Variants in PCDHGA5 observed in about 807,000 individuals in gnomAD.
The protein encoded by PCDHGA5 is protocadherin gamma subfamily A, 5.
Under a neutral mutation model 56.7 loss-of-function variants are expected in PCDHGA5, and 36 were observed. The ratio of observed to expected loss-of-function variants is 0.64; its 90% confidence interval spans 0.49 to 0.84. PCDHGA5 has a LOEUF of 0.84. PCDHGA5 is among the 40% of genes least tolerant of loss of function. The pLI, the probability that PCDHGA5 is intolerant of heterozygous loss-of-function variation, is 0.00. For missense variants in PCDHGA5, 1,305 were observed against 1,201.5 expected, an observed-to-expected ratio of 1.09 and a Z score of -1.27; for synonymous variants, 563 against 520.2, an observed-to-expected ratio of 1.08 and a Z score of -1.12.
At position 141,505,378 on chromosome 5, in the gene PCDHGA5, C is replaced by T. The variant is rs376550639; in HGVS notation, c.2481-15C>T. 2 of 1,614,034 alleles carry T rather than the reference C, an allele frequency of 1.2e-6. No homozygotes were observed. The highest frequency in any genetic ancestry group is 2.2e-5 in the East Asian group (1 of 44,872). On this transcript the variant is annotated splice_polypyrimidine_tract_variant and intron_variant, in intron 2 of 3. Transcript: ENST00000518069. ...GGCCTGGGAGTCTGTGCTCACCATC[C>T]TACTCTCTCCCCAGCTCCCAAAATG...
intron 1 of PCDHGA5, among the ~76,000 whole-genome samples, chr5:141,468,788 C>T (rs2099179417): frequency 6.6e-6 from 1 of 151,926 alleles, no homozygotes; most frequent in Admixed American, 6.6e-5. Context: ...ATGGCGTGAA[C>T]CCGGGAGGCG....
At chr5:141,392,689 C>T in intron 1 of PCDHGA5, 1 of 1,115,570 alleles carries the variant, frequency 9.0e-7, no homozygotes, top group Non-Finnish European at 1.2e-6. Context: ...CAGCGAAACC[C>T]GACCCCTGTT....
At chr5:141,502,932 C>T (rs1039438031) in intron 2 of PCDHGA5, among the ~76,000 whole-genome samples, 2 of 143,766 alleles carry the variant, frequency 1.4e-5, no homozygotes, top group African/African-American at 5.3e-5. Context: ...CAACCTTCAC[C>T]TCCTGGGTTC....
intron 1 of PCDHGA5, among the ~76,000 whole-genome samples, chr5:141,457,440 A>C (rs188608086): frequency 1.3e-5 from 2 of 152,334 alleles, no homozygotes; most frequent in African/African-American, 4.8e-5. Flanking sequence ...ACCAAGCTGC[A>C]GAAGATCACC....
Position 141,409,737 on chromosome 5 carries a change from G to C in PCDHGA5, c.2421+42986G>C, listed in dbSNP as rs199531162. The C allele has an allele frequency of 1.4e-3, 2,254 of 1,613,108 alleles. 2 individuals carry two copies. Among genetic ancestry groups the C allele is most frequent in the Non-Finnish European group, 1.8e-3 (2,079 of 1,179,866 alleles). On this transcript the variant is annotated intron_variant, in intron 1 of 3. Coordinates refer to ENST00000518069, the MANE Select transcript of PCDHGA5 (RefSeq NM_018918.3). ...TACGTGTCAGTGAGCGCGCAGAGCGGGGTGGTGTTCGCGCAGCGCGCCTTT... is the reference window on the plus strand; with the variant it reads ...TACGTGTCAGTGAGCGCGCAGAGCGCGGTGGTGTTCGCGCAGCGCGCCTTT...
At chr5:141,373,374 A>C (rs548052832) in intron 1 of PCDHGA5, among the ~76,000 whole-genome samples, 1 of 152,352 alleles carries the variant, frequency 6.6e-6, no homozygotes, top group African/African-American at 2.4e-5. Flanking sequence ...GAATTGGTTC[A>C]AAATGTGTTT....
At chr5:141,370,390 G>C in intron 1 of PCDHGA5, 1 of 1,543,894 alleles carries the variant, frequency 6.5e-7, no homozygotes. Flanking sequence ...GGCGCAGAGA[G>C]CGGGATGGGA....
At position 141,403,513 on chromosome 5, in the gene PCDHGA5, T is replaced by G. The variant is rs754840157; in HGVS notation, c.2421+36762T>G. ...CCCTGAACGTGCAGACTGGAGACAATGGAGCCATAAACCCAGAGCTGGTGC... is the reference window on the plus strand; with the variant it reads ...CCCTGAACGTGCAGACTGGAGACAAGGGAGCCATAAACCCAGAGCTGGTGC... On this transcript the variant is annotated intron_variant, in intron 1 of 3. Coordinates refer to ENST00000518069, the MANE Select transcript of PCDHGA5 (RefSeq NM_018918.3). 8.1e-5 allele frequency: 131 copies of G among 1,613,832 alleles called. 1 individual carries two copies. In the African/African-American group the frequency reaches 1.2e-3, roughly 15 times the overall value.
chr5:141,437,693 C>G (rs1305650032), intron 1 of PCDHGA5, among the ~76,000 whole-genome samples: 1 of 151,638 alleles, frequency 6.6e-6, no homozygotes, highest in African/African-American at 2.4e-5. Context: ...GAGGCTAAAT[C>G]TCAAGAAAGA....
intron 1 of PCDHGA5, chr5:141,408,715 G>T: frequency 1.9e-6 from 3 of 1,612,078 alleles, no homozygotes; most frequent in Non-Finnish European, 2.5e-6. Flanking sequence ...AAGATTATAA[G>T]ATAAACTCTA....
At position 141,432,455 on chromosome 5, in the gene PCDHGA5, G is replaced by A; in HGVS notation, c.2422-62352G>A. The A allele has an allele frequency of 6.2e-7, 1 of 1,614,176 alleles. No individual in the cohort carries two copies. The highest frequency in any genetic ancestry group is 8.5e-7 in the Non-Finnish European group (1 of 1,180,042). On this transcript the variant is annotated intron_variant, in intron 1 of 3. Transcript: ENST00000518069. The surrounding 1 kb of genome is among the most constrained non-coding windows in gnomAD (Gnocchi z 6.0). ...CAATGCGCCCGAGATCCTGTACCCCGCCCTCCCCACGGACGGTTCCACTGG... is the reference window on the plus strand; with the variant it reads ...CAATGCGCCCGAGATCCTGTACCCCACCCTCCCCACGGACGGTTCCACTGG...
At chr5:141,408,816 A>T in intron 1 of PCDHGA5, 1 of 1,613,562 alleles carries the variant, frequency 6.2e-7, no homozygotes, top group East Asian at 2.2e-5. Flanking sequence ...CGGGAAGAAC[A>T]GAGATCTCAT....
chr5:141,399,682 G>A (rs778817737), intron 1 of PCDHGA5: 14 of 1,613,512 alleles, frequency 8.7e-6, no homozygotes, highest in Non-Finnish European at 1.2e-5. Flanking sequence ...CTTTGACTAC[G>A]AGCAGCTGCG....
Position 141,432,831 on chromosome 5 carries a change from T to C in PCDHGA5, c.2422-61976T>C. 1 of 1,614,206 alleles carries C rather than the reference T, an allele frequency of 6.2e-7. No individual in the cohort carries two copies. Among genetic ancestry groups the C allele is most frequent in the Non-Finnish European group, 8.5e-7 (1 of 1,180,006 alleles). ...AACTCTGAAACCTCAGACCTCACTC[T>C]GTACCTGGTGGTAGCGGTGGCCGCG... On this transcript the variant is annotated intron_variant, in intron 1 of 3. Coordinates refer to ENST00000518069, the MANE Select transcript of PCDHGA5 (RefSeq NM_018918.3). The surrounding 1 kb of genome is among the most constrained non-coding windows in gnomAD (Gnocchi z 6.0).
chr5:141,384,848 G>A, intron 1 of PCDHGA5: 1 of 1,613,600 alleles, frequency 6.2e-7, no homozygotes, highest in Non-Finnish European at 8.5e-7. Flanking sequence ...CAGGACCACG[G>A]TCAGCCTCCT....
At chr5:141,488,866 G>A (rs957501628) in intron 1 of PCDHGA5, among the ~76,000 whole-genome samples, 1 of 152,148 alleles carries the variant, frequency 6.6e-6, no homozygotes, top group African/African-American at 2.4e-5. Flanking sequence ...GAAGTGAGTG[G>A]GGAGGTAGGA....
At chr5:141,430,811 A>T in intron 1 of PCDHGA5, 1 of 1,527,400 alleles carries the variant, frequency 6.5e-7, no homozygotes, top group Non-Finnish European at 8.8e-7. Context: ...CCTGCTGGGA[A>T]TCCTCCTGGG....
chr5:141,474,967 T>G (rs745581213), intron 1 of PCDHGA5, among the ~76,000 whole-genome samples: 6 of 152,252 alleles, frequency 3.9e-5, no homozygotes, highest in Non-Finnish European at 7.3e-5. Context: ...TCCTAATCAT[T>G]ATAATTTTGT....
At chr5:141,404,150 G>T in intron 1 of PCDHGA5, 1 of 1,612,828 alleles carries the variant, frequency 6.2e-7, no homozygotes, top group South Asian at 1.1e-5. Flanking sequence ...TTCAGAAGAA[G>T]ATTATTACAG....
Sources: allele counts gnomAD v4.1 joint callset (sites outside exome capture counted in the v4.1 genomes callset), GRCh38; gene constraint gnomAD v4.1.1; non-coding constraint Gnocchi (gnomAD v3.1); transcripts MANE v1.5; gene names NCBI Gene and HGNC (gene_info 2026-07-23, HGNC 2026-07-21).